RAB2A: variants seen among roughly 807,000 people sequenced by gnomAD.
RAB2A encodes the protein RAB2A, member RAS oncogene family, also known as ras-related protein Rab-2A.
In RAB2A, 7 loss-of-function variants were observed where a neutral mutation model predicts 32.5. The observed-to-expected ratio is 0.22, with a 90% CI of 0.12 to 0.40. The LOEUF (loss-of-function observed/expected upper bound fraction) is 0.40. Ranked by LOEUF, RAB2A falls within the 10% of genes least tolerant of loss-of-function variation. The probability of loss-of-function intolerance (pLI) is 1.00; values close to 1 mark genes in which losing one functional copy is unlikely to be tolerated. For missense variants in RAB2A, 108 were observed against 260.7 expected, an observed-to-expected ratio of 0.41 and a Z score of 4.03; for synonymous variants, 79 against 85.2, an observed-to-expected ratio of 0.93 and a Z score of 0.40.
chr8:60,539,913 A>G (rs1023154892), intron 1 of RAB2A, among the ~76,000 whole-genome samples: 15 of 152,080 alleles, frequency 9.9e-5, no homozygotes, highest in African/African-American at 3.6e-4. Flanking sequence ...GTTTAACTTT[A>G]GTATGGACCC....
At chr8:60,609,711 C>T (rs1300722740) in intron 6 of RAB2A, among the ~76,000 whole-genome samples, 1 of 152,084 alleles carries the variant, frequency 6.6e-6, no homozygotes, top group Non-Finnish European at 1.5e-5. Context: ...CACACCTATA[C>T]TCCCAACACT....
chr8:60,580,621 T>G (rs577527878), intron 3 of RAB2A, among the ~76,000 whole-genome samples: 2 of 152,192 alleles, frequency 1.3e-5, no homozygotes, highest in Non-Finnish European at 2.9e-5. Flanking sequence ...GGGAATTGTG[T>G]TTTTTTATTT....
chr8:60,613,035 T>C (rs1480878049), intron 6 of RAB2A, among the ~76,000 whole-genome samples: 1 of 152,240 alleles, frequency 6.6e-6, no homozygotes, highest in African/African-American at 2.4e-5. Context: ...TATGAAATTC[T>C]AGTCTGCTGT....
chr8:60,523,296 T>C (rs1807329336), intron 1 of RAB2A, among the ~76,000 whole-genome samples: 1 of 152,074 alleles, frequency 6.6e-6, no homozygotes, highest in Non-Finnish European at 1.5e-5. Context: ...TAGCTGGGAC[T>C]ACAGGCGCCC....
At chr8:60,528,656 T>G (rs1464666315) in intron 1 of RAB2A, among the ~76,000 whole-genome samples, 2 of 152,230 alleles carry the variant, frequency 1.3e-5, no homozygotes, top group African/African-American at 4.8e-5. Context: ...GTTTCTTATG[T>G]TATCAAGATT....
intron 3 of RAB2A, among the ~76,000 whole-genome samples, chr8:60,578,813 A>T (rs73261219): frequency 0.082 from 12,448 of 152,232 alleles, 1,543 homozygotes; most frequent in African/African-American, 0.27. Flanking sequence ...GGGATTCTTT[A>T]TCTGGCAGTT....
intron 5 of RAB2A, among the ~76,000 whole-genome samples, chr8:60,586,119 G>A (rs1803842352): frequency 6.6e-6 from 1 of 152,080 alleles, no homozygotes; most frequent in Admixed American, 6.6e-5. Flanking sequence ...GGGCAACACA[G>A]GGAGACTCCA....
chr8:60,564,746 CAAGTAAATAT>C (rs951176389), intron 2 of RAB2A, among the ~76,000 whole-genome samples: 1 of 152,118 alleles, frequency 6.6e-6, no homozygotes, highest in Admixed American at 6.6e-5. Flanking sequence ...ACATTTTAAA[CAAGTAAATAT>C]AAGTAAATAG....
At chr8:60,536,012 C>T (rs180693651) in intron 1 of RAB2A, among the ~76,000 whole-genome samples, 1 of 152,272 alleles carries the variant, frequency 6.6e-6, no homozygotes, top group Admixed American at 6.5e-5. Flanking sequence ...TGATGAATAT[C>T]GTTATAGATA....
chr8:60,620,971 A>G lies in RAB2A; in HGVS notation c.*202A>G, dbSNP rs770234845. 6.3e-5 allele frequency: 31 copies of G among 495,526 alleles called. No individual in the cohort carries two copies. Among genetic ancestry groups the G allele is most frequent in the Admixed American group, 1.5e-4 (4 of 26,104 alleles). 30.7% of individuals were successfully genotyped at this position (495,526 alleles called of 1,614,324 possible). A position where few individuals can be genotyped will look rare whatever the true frequency, so the allele number is the denominator to read the frequency against. On this transcript the variant is annotated 3_prime_UTR_variant, in exon 8 of 8. Transcript: ENST00000262646. Reference sequence around the variant, plus strand: ...GATTTTGGAGATTGTATTCATATCTATTTGCATTTGATTTCTAGGTCAATT... The same window carrying G: ...GATTTTGGAGATTGTATTCATATCTGTTTGCATTTGATTTCTAGGTCAATT...
intron 6 of RAB2A, among the ~76,000 whole-genome samples, chr8:60,607,708 C>T (rs1219877234): frequency 6.6e-6 from 1 of 152,142 alleles, no homozygotes; most frequent in Non-Finnish European, 1.5e-5. Flanking sequence ...AACCAGTCCT[C>T]AACTAATGTA....
chr8:60,600,081 C>A (rs55878066), intron 6 of RAB2A, among the ~76,000 whole-genome samples: 21,293 of 141,402 alleles, frequency 0.15, 1,673 homozygotes, highest in East Asian at 0.27. Flanking sequence ...AAAAAAAAAA[C>A]AATGCAATTA....
intron 1 of RAB2A, chr8:60,558,436 A>G (rs1270050175): frequency 5.8e-6 from 3 of 513,564 alleles, no homozygotes; most frequent in Admixed American, 3.9e-5. Context: ...GATCTCAGAC[A>G]CTTATTGCTG....
At chr8:60,589,138 A>T (rs1463732207) in intron 5 of RAB2A, among the ~76,000 whole-genome samples, 1 of 152,210 alleles carries the variant, frequency 6.6e-6, no homozygotes, top group South Asian at 2.1e-4. Flanking sequence ...TGGAAAATAA[A>T]GAGAATTTTT....
At chr8:60,558,092 G>GTGAA (rs554448030) in intron 1 of RAB2A, among the ~76,000 whole-genome samples, 87 of 152,294 alleles carry the variant, frequency 5.7e-4, no homozygotes, top group African/African-American at 1.9e-3. Flanking sequence ...GAGTAAGTGA[G>GTGAA]TGAATGAATG....
chr8:60,553,255 C>T (rs921469591), intron 1 of RAB2A, among the ~76,000 whole-genome samples: 3 of 152,170 alleles, frequency 2.0e-5, no homozygotes, highest in African/African-American at 7.2e-5. Flanking sequence ...CTGAAATCCT[C>T]AGGACAGGCT....
rs1034772904 is a variant in RAB2A at position 60,569,788 on chromosome 8, C to T, written c.119-2258C>T. The stretch of plus-strand genomic sequence containing the variant: ...TCAGCCTCTCGAATTGTGGGATTAC[C>T]GGCCACACTGAGCCTCTGGGCCCAG... On this transcript the variant is annotated intron_variant, in intron 2 of 7. Coordinates refer to ENST00000262646, the MANE Select transcript of RAB2A (RefSeq NM_002865.3). The T allele has an allele frequency of 5.6e-5, 17 of 304,040 alleles. No individual in the cohort carries two copies. The East Asian group carries it at 6.1e-4, about 11-fold the overall frequency. The allele number at this position is 304,040 out of a possible 1,614,324, so 18.8% of individuals were successfully genotyped here.
intron 6 of RAB2A, among the ~76,000 whole-genome samples, chr8:60,608,547 T>TC (rs1200995770): frequency 7.6e-5 from 10 of 132,154 alleles, no homozygotes; most frequent in African/African-American, 2.9e-4. Context: ...TCCTTCTCTC[T>TC]CTCCTCTCTC....
chr8:60,560,056 G>A (rs1236495631), intron 2 of RAB2A, among the ~76,000 whole-genome samples: 2 of 152,274 alleles, frequency 1.3e-5, no homozygotes, highest in South Asian at 4.1e-4. Context: ...GGTAAAACAG[G>A]TAACTCATGC....
Sources: allele counts gnomAD v4.1 joint callset (sites outside exome capture counted in the v4.1 genomes callset), GRCh38; gene constraint gnomAD v4.1.1; transcripts MANE v1.5; gene names NCBI Gene and HGNC (gene_info 2026-07-23, HGNC 2026-07-21).